Variants in ABLIM2 observed in about 807,000 individuals in gnomAD.
ABLIM2 encodes actin-binding LIM protein 2.
ABLIM2 carries 53 observed loss-of-function variants against 97.7 expected under a neutral mutation model. The observed-to-expected ratio is 0.54, with a 90% CI of 0.44 to 0.68. ABLIM2 has a LOEUF of 0.68. Among genes scored for constraint, ABLIM2 ranks in the 30% least tolerant of loss-of-function variants. ABLIM2 has a pLI of 0.00. For synonymous variants in ABLIM2, 361 were observed against 345.8 expected (o/e 1.04, Z -0.49); for missense variants, 835 against 867.2 (o/e 0.96, Z 0.47).
At chr4:8,105,360 CA>C (rs1836786706) in intron 2 of ABLIM2, among the ~76,000 whole-genome samples, 1 of 152,240 alleles carries the variant, frequency 6.6e-6, no homozygotes, top group Non-Finnish European at 1.5e-5. Context: ...TCTCCCTCAG[CA>C]GACAGCGAAT....
intron 2 of ABLIM2, among the ~76,000 whole-genome samples, chr4:8,105,888 G>A (rs1313779996): frequency 5.3e-5 from 8 of 152,206 alleles, no homozygotes; most frequent in Admixed American, 3.3e-4. Flanking sequence ...AGGGAGACTC[G>A]GCACAGGCCA....
intron 7 of ABLIM2, among the ~76,000 whole-genome samples, chr4:8,056,807 C>T (rs1799475074): frequency 6.6e-6 from 1 of 151,426 alleles, no homozygotes; most frequent in African/African-American, 2.4e-5. Context: ...TGGCGGGCGC[C>T]TGTAGTCCCA....
chr4:8,050,617 C>G (rs941644122), intron 8 of ABLIM2, among the ~76,000 whole-genome samples: 1 of 152,218 alleles, frequency 6.6e-6, no homozygotes, highest in Non-Finnish European at 1.5e-5. Context: ...TTGATGCTGC[C>G]GGGAGCCGGC....
rs1771695424 is a variant in ABLIM2, at chr4:8,019,172, A to G, written c.1423+446T>C. Among the ~76,000 whole-genome samples, 1 of 152,162 alleles carries G rather than the reference A, an allele frequency of 6.6e-6. No individual in the cohort carries two copies. Among genetic ancestry groups the G allele is most frequent in the African/African-American group, 2.4e-5 (1 of 41,446 alleles). On this transcript the variant is annotated intron_variant, in intron 14 of 20. Coordinates refer to ENST00000447017, the MANE Select transcript of ABLIM2 (RefSeq NM_001130083.2). The surrounding 1 kb of genome is among the most constrained non-coding windows in gnomAD (Gnocchi z 4.3). ...CCCATCCCATCATCAGAAATTCTCA[A>G]AACTCAAGACTAAAGTCTCCCTGAG... is the stretch of plus-strand genomic sequence containing the variant.
At chr4:8,010,381 C>T in intron 14 of ABLIM2, 1 of 985,878 alleles carries the variant, frequency 1.0e-6, no homozygotes, top group Non-Finnish European at 1.2e-6. Context: ...CCCCAGCCCG[C>T]CACGAAGACC....
chr4:8,066,094 G>A (rs1807041350), intron 6 of ABLIM2, among the ~76,000 whole-genome samples: 1 of 150,682 alleles, frequency 6.6e-6, no homozygotes, highest in Admixed American at 6.6e-5. Context: ...GAGGTCAGGA[G>A]ATGGAGACCA....
chr4:8,137,991 A>C (rs2152940477), intron 1 of ABLIM2, among the ~76,000 whole-genome samples: 1 of 152,370 alleles, frequency 6.6e-6, no homozygotes, highest in African/African-American at 2.4e-5. Context: ...AGCCTTAAAA[A>C]GGAGAGGAAT....
rs570357882 is a variant in ABLIM2, at chr4:8,113,782, C to G, written c.11-7145G>C. On this transcript the variant is annotated intron_variant, in intron 1 of 20. Transcript: ENST00000447017. The surrounding 1 kb of genome is among the most constrained non-coding windows in gnomAD (Gnocchi z 4.5). ...TCTAATAATATTCAGTTTTCTAAGCCTACACACGCACACATGAACTCCAGA... is the reference window on the plus strand; with the variant it reads ...TCTAATAATATTCAGTTTTCTAAGCGTACACACGCACACATGAACTCCAGA... Among the ~76,000 whole-genome samples the G allele has an allele frequency of 1.3e-5, 2 of 152,234 alleles. No homozygotes were observed. The highest frequency in any genetic ancestry group is 4.8e-5 in the African/African-American group (2 of 41,466).
In ABLIM2 at chr4:8,046,972, G is replaced by A. The variant is rs534665568; in HGVS notation, c.823-1731C>T. Among the ~76,000 whole-genome samples, 1 of 152,218 alleles carries A rather than the reference G, an allele frequency of 6.6e-6. No homozygotes were observed. Among genetic ancestry groups the A allele is most frequent in the Non-Finnish European group, 1.5e-5 (1 of 68,032 alleles). On this transcript the variant is annotated intron_variant, in intron 8 of 20. Transcript: ENST00000447017. The surrounding 1 kb of genome is among the most constrained non-coding windows in gnomAD (Gnocchi z 4.4). ...AGCTGTGGGAAGGTGGGTTTCTGCT[G>A]TGCAGGCCACCCAGGCCGGGTGCCT...
chr4:8,078,521 A>T (rs1817766679), intron 5 of ABLIM2, among the ~76,000 whole-genome samples: 1 of 152,154 alleles, frequency 6.6e-6, no homozygotes, highest in Non-Finnish European at 1.5e-5. Context: ...GCTGACCTTC[A>T]CACCCGTTAT....
intron 14 of ABLIM2, among the ~76,000 whole-genome samples, chr4:8,018,753 G>C (rs1771320294): frequency 6.6e-6 from 1 of 152,202 alleles, no homozygotes; most frequent in African/African-American, 2.4e-5. Flanking sequence ...GGTACATCTG[G>C]ACAAGAACGT....
At position 8,147,976 on chromosome 4, in the gene ABLIM2, C is replaced by T. The variant is rs1263857506; in HGVS notation, c.10+10704G>A. Reference sequence around the variant, plus strand: ...CGAAGTCAGCCCTAGGCCCAATATCCCAGAAGAAGGGGCACGAGTCAGGGC... The same window carrying T: ...CGAAGTCAGCCCTAGGCCCAATATCTCAGAAGAAGGGGCACGAGTCAGGGC... On this transcript the variant is annotated intron_variant, in intron 1 of 20. Coordinates refer to ENST00000447017, the MANE Select transcript of ABLIM2 (RefSeq NM_001130083.2). The surrounding 1 kb of genome is among the most constrained non-coding windows in gnomAD (Gnocchi z 5.3). 6.6e-6 allele frequency among the ~76,000 whole-genome samples: 1 copy of T among 152,200 alleles called. No individual in the cohort carries two copies.
At chr4:7,989,887 A>T (rs1747321667) in intron 17 of ABLIM2, among the ~76,000 whole-genome samples, 1 of 152,202 alleles carries the variant, frequency 6.6e-6, no homozygotes. Context: ...TGCCTTACCC[A>T]CAGGGAGAGA....
chr4:8,140,070 G>C lies in ABLIM2; in HGVS notation c.10+18610C>G, dbSNP rs573045365. On this transcript the variant is annotated intron_variant, in intron 1 of 20. Coordinates refer to ENST00000447017, the MANE Select transcript of ABLIM2 (RefSeq NM_001130083.2). The surrounding 1 kb of genome is among the most constrained non-coding windows in gnomAD (Gnocchi z 5.9). ...TGAACAGTGAGAACACATGGAAACG[G>C]GGAGACGAACAACACACACTAGGGC... 7.4e-6 allele frequency among the ~76,000 whole-genome samples: 1 copy of C among 134,984 alleles called. No individual in the cohort carries two copies. The highest frequency in any genetic ancestry group is 2.6e-4 in the South Asian group (1 of 3,824). 88.6% of individuals were successfully genotyped at this position (134,984 alleles called of 152,430 possible).
intron 1 of ABLIM2, among the ~76,000 whole-genome samples, chr4:8,126,947 T>C (rs560998587): frequency 1.5e-4 from 23 of 152,094 alleles, no homozygotes; most frequent in Admixed American, 6.5e-4. Context: ...TGCACCTTAG[T>C]TTCAGCTACC....
At position 8,083,066 on chromosome 4, in the gene ABLIM2, C is replaced by A. The variant is rs1311164463; in HGVS notation, c.455-2264G>T. ...GTGGGCAGTGGACACAGGATGCTAA[C>A]CGTGCCAGGACAGCCGCCCTCAACA... On this transcript the variant is annotated intron_variant, in intron 4 of 20. Transcript: ENST00000447017. This position sits in a 1 kb window ranked among gnomAD's most constrained non-coding sequence, Gnocchi z 4.6. Among the ~76,000 whole-genome samples the A allele has an allele frequency of 6.6e-6, 1 of 152,158 alleles. No individual in the cohort carries two copies. The highest frequency in any genetic ancestry group is 1.5e-5 in the Non-Finnish European group (1 of 68,026).
chr4:8,035,997 A>G (rs1411412071), intron 10 of ABLIM2, among the ~76,000 whole-genome samples, 152 bp downstream of exon 10: 1 of 152,164 alleles, frequency 6.6e-6, no homozygotes, highest in African/African-American at 2.4e-5. Context: ...GCACATGGCT[A>G]TCTGATGGGC....
intron 16 of ABLIM2, chr4:8,007,018 AC>A (rs1409778509): frequency 1.0e-6 from 1 of 985,334 alleles, no homozygotes; most frequent in Admixed American, 6.1e-5. Flanking sequence ...TACACAAGCA[AC>A]ACACCTTTCT....
In ABLIM2 at chr4:8,054,748, A is replaced by G. The variant is rs1397776864; in HGVS notation, c.764-502T>C. On this transcript the variant is annotated intron_variant, in intron 7 of 20. Coordinates refer to ENST00000447017, the MANE Select transcript of ABLIM2 (RefSeq NM_001130083.2). This position sits in a 1 kb window ranked among gnomAD's most constrained non-coding sequence, Gnocchi z 4.9. ...AGGGCAGGGCTCTAAGCTGAGAGGTAGGAAGAGAGAACCTCAGCTGGGAAG... is the reference window on the plus strand; with the variant it reads ...AGGGCAGGGCTCTAAGCTGAGAGGTGGGAAGAGAGAACCTCAGCTGGGAAG... Among the ~76,000 whole-genome samples the G allele has an allele frequency of 6.6e-6, 1 of 152,148 alleles. No homozygotes were observed. The highest frequency in any genetic ancestry group is 1.9e-4 in the East Asian group (1 of 5,184).
Sources: allele counts gnomAD v4.1 joint callset (sites outside exome capture counted in the v4.1 genomes callset), GRCh38; gene constraint gnomAD v4.1.1; non-coding constraint Gnocchi (gnomAD v3.1); transcripts MANE v1.5; gene names NCBI Gene and HGNC (gene_info 2026-07-23, HGNC 2026-07-21).